The following DIP2C variants were observed in gnomAD, a reference collection of about 807,000 sequenced individuals.
The protein encoded by DIP2C is DIP2 acetate--CoA ligase C (putative).
In DIP2C, 33 loss-of-function variants were observed where a neutral mutation model predicts 192.4. The observed-to-expected ratio is 0.17, with a 90% CI of 0.13 to 0.23. The LOEUF is 0.23. DIP2C is among the 10% of genes least tolerant of loss of function. The probability of loss-of-function intolerance (pLI) is 1.00; values close to 1 mark genes in which losing one functional copy is unlikely to be tolerated. For missense variants in DIP2C, 1,537 were observed against 2,110.1 expected (o/e 0.73, Z 5.32); for synonymous variants, 979 against 864.1 (o/e 1.13, Z -2.33).
intron 1 of DIP2C, among the ~76,000 whole-genome samples, chr10:570,210 G>A (rs999340710): frequency 2.6e-5 from 4 of 152,154 alleles, no homozygotes; most frequent in East Asian, 1.9e-4. Context: ...AGTCTATGAC[G>A]TGTCAGGAAG....
intron 3 of DIP2C, among the ~76,000 whole-genome samples, chr10:461,008 T>C (rs922283906): frequency 1.1e-4 from 17 of 152,160 alleles, no homozygotes; most frequent in African/African-American, 3.4e-4. Flanking sequence ...GCTGAGAGAT[T>C]CTGTCACCAC....
At chr10:513,635 T>C (rs1360218192) in intron 1 of DIP2C, among the ~76,000 whole-genome samples, 3 of 91,864 alleles carry the variant, frequency 3.3e-5, no homozygotes, top group African/African-American at 1.2e-4. Flanking sequence ...TGAAAGTCAC[T>C]AAGTATAACC....
At chr10:598,872 A>T (rs144278693) in intron 1 of DIP2C, among the ~76,000 whole-genome samples, 1 of 152,342 alleles carries the variant, frequency 6.6e-6, no homozygotes, top group East Asian at 1.9e-4. Flanking sequence ...TTGAAACATC[A>T]CTAGCAGAAT....
At chr10:380,451 G>C (rs947972044) in intron 17 of DIP2C, among the ~76,000 whole-genome samples, 4 of 152,134 alleles carry the variant, frequency 2.6e-5, no homozygotes, top group Admixed American at 2.6e-4. Context: ...GGCTGTCCCT[G>C]GATGATGGTT....
chr10:461,304 ATC>A (rs1450898467), intron 3 of DIP2C, among the ~76,000 whole-genome samples: 7 of 152,256 alleles, frequency 4.6e-5, no homozygotes, highest in Non-Finnish European at 1.0e-4. Context: ...CAGGAGACCT[ATC>A]TCATGTGCAA....
chr10:479,201 A>C (rs769160826), intron 2 of DIP2C, among the ~76,000 whole-genome samples: 1 of 152,194 alleles, frequency 6.6e-6, no homozygotes, highest in Admixed American at 6.6e-5. Context: ...AAACAGGACA[A>C]CTGTTGTAAA....
At chr10:481,840 A>T (rs1588254514) in intron 2 of DIP2C, among the ~76,000 whole-genome samples, 1 of 152,032 alleles carries the variant, frequency 6.6e-6, no homozygotes, top group Admixed American at 6.6e-5. Flanking sequence ...GCCCCGGCCC[A>T]CCCCCACAGG....
chr10:367,933 G>A (rs1261126507), intron 18 of DIP2C, among the ~76,000 whole-genome samples: 7 of 150,116 alleles, frequency 4.7e-5, no homozygotes, highest in Admixed American at 6.6e-5. Flanking sequence ...CGGGAAGCCC[G>A]CGGTTGCTCT....
At chr10:685,213 C>G (rs2119107721) in intron 1 of DIP2C, among the ~76,000 whole-genome samples, 1 of 120,934 alleles carries the variant, frequency 8.3e-6, no homozygotes, top group East Asian at 2.7e-4. Context: ...TATATAAACA[C>G]ACGCACACAG....
intron 1 of DIP2C, among the ~76,000 whole-genome samples, chr10:595,423 G>A (rs978916271): frequency 6.6e-6 from 1 of 152,144 alleles, no homozygotes; most frequent in African/African-American, 2.4e-5. Flanking sequence ...GTGAAACCAT[G>A]AAGAAAAAGT....
chr10:474,246 A>AC (rs1483027423), intron 2 of DIP2C, among the ~76,000 whole-genome samples: 2 of 152,076 alleles, frequency 1.3e-5, no homozygotes, highest in Non-Finnish European at 2.9e-5. Flanking sequence ...TTTAGACACC[A>AC]CCCCTTACGC....
intron 1 of DIP2C, among the ~76,000 whole-genome samples, chr10:556,525 C>T (rs1588455152): frequency 1.3e-5 from 2 of 150,878 alleles, no homozygotes; most frequent in South Asian, 4.2e-4. Flanking sequence ...GGTTCCTCAG[C>T]AAACTCAACA....
At chr10:435,454 C>A (rs1028189002) in intron 4 of DIP2C, among the ~76,000 whole-genome samples, 1 of 152,210 alleles carries the variant, frequency 6.6e-6, no homozygotes, top group Non-Finnish European at 1.5e-5. Flanking sequence ...TATGCACAGG[C>A]CTCCTGGACG....
At chr10:391,213 A>G (rs1028446400) in intron 10 of DIP2C, among the ~76,000 whole-genome samples, 23 of 152,198 alleles carry the variant, frequency 1.5e-4, no homozygotes, top group Admixed American at 9.2e-4. Flanking sequence ...ATACAATGCA[A>G]TTACTGTAGA....
At chr10:648,047 G>GC (rs1855574983) in intron 1 of DIP2C, among the ~76,000 whole-genome samples, 1 of 151,436 alleles carries the variant, frequency 6.6e-6, no homozygotes, top group Non-Finnish European at 1.5e-5. Context: ...AGAGAACAGA[G>GC]GGAAACTGAG....
chr10:607,009 TCAA>T (rs560557413), intron 1 of DIP2C, among the ~76,000 whole-genome samples: 319 of 152,242 alleles, frequency 2.1e-3, no homozygotes, highest in Non-Finnish European at 3.1e-3. Context: ...TGCGTGGCCA[TCAA>T]CATCACTTAG....
chr10:587,589 C>A (rs1014525702), intron 1 of DIP2C, among the ~76,000 whole-genome samples: 1 of 152,096 alleles, frequency 6.6e-6, no homozygotes, highest in Non-Finnish European at 1.5e-5. Context: ...CTCCTGAAAC[C>A]CCACATCCAC....
intron 1 of DIP2C, among the ~76,000 whole-genome samples, chr10:542,877 CGGGATTG>C (rs543376250): frequency 6.9e-6 from 1 of 144,170 alleles, no homozygotes; most frequent in Non-Finnish European, 1.5e-5. Context: ...CCAGTTCTTA[CGGGATTG>C]GGGAGTGGGG....
intron 36 of DIP2C, 62 bp downstream of exon 36, chr10:281,138 A>G: frequency 6.3e-7 from 1 of 1,596,290 alleles, no homozygotes; most frequent in South Asian, 1.1e-5. Context: ...TGCTCTCCAC[A>G]TTCTCAATGC....
Sources: gnomAD v4.1 joint callset for allele counts (sites outside exome capture counted in the v4.1 genomes callset) on GRCh38, gnomAD v4.1.1 for gene constraint, MANE v1.5 for transcripts, NCBI Gene and HGNC (gene_info 2026-07-23, HGNC 2026-07-21) for gene names.